Variants in MYO1E observed in about 807,000 individuals in gnomAD.
The protein encoded by MYO1E is myosin IE.
A neutral mutation model predicts 151.1 loss-of-function variants in MYO1E; 68 were observed. The observed-to-expected ratio is 0.45, with a 90% confidence interval of 0.37 to 0.55. The LOEUF (loss-of-function observed/expected upper bound fraction) is 0.55, where lower values mean the gene tolerates loss of function less well. Among genes scored for constraint, MYO1E ranks in the 20% least tolerant of loss-of-function variants. MYO1E has a pLI of 0.00. For synonymous variants in MYO1E, 601 were observed against 501.7 expected, an observed-to-expected ratio of 1.20 and a Z score of -2.64; for missense variants, 1,363 against 1,389.3, an observed-to-expected ratio of 0.98 and a Z score of 0.30.
intron 2 of MYO1E, among the ~76,000 whole-genome samples, chr15:59,268,720 ATTTTTTTTT>A (rs398027512): frequency 2.2e-5 from 1 of 44,906 alleles, no homozygotes; most frequent in Non-Finnish European, 4.9e-5. Flanking sequence ...TGACTTTGGT[ATTTTTTTTT>A]TTTTTTTTTT....
chr15:59,312,905 T>TGGCATGCC (rs2080561819), intron 1 of MYO1E, among the ~76,000 whole-genome samples: 1 of 152,058 alleles, frequency 6.6e-6, no homozygotes, highest in Non-Finnish European at 1.5e-5. Flanking sequence ...CCGGGCATGG[T>TGGCATGCC]GGCATGCCAC....
intron 26 of MYO1E, among the ~76,000 whole-genome samples, chr15:59,149,990 T>C (rs2140304679): frequency 6.6e-6 from 1 of 152,336 alleles, no homozygotes; most frequent in Middle Eastern, 3.4e-3. Context: ...TAGGTAACCA[T>C]GGGGATCCAT....
At chr15:59,218,379 T>C (rs2079933183) in intron 9 of MYO1E, 1 of 531,844 alleles carries the variant, frequency 1.9e-6, no homozygotes, top group Non-Finnish European at 3.6e-6. Flanking sequence ...CTATCCCTCC[T>C]ACTGAGATCA....
Position 59,231,810 on chromosome 15 carries a change from C to T in MYO1E, c.421-19G>A, listed in dbSNP as rs745950580. 30 of 1,613,358 alleles carry T rather than the reference C, an allele frequency of 1.9e-5. No individual in the cohort carries two copies. Among genetic ancestry groups the T allele is most frequent in the South Asian group, 1.4e-4 (13 of 91,084 alleles). ...TCACGTGCTGTCCCAGCAAATAGAC[C>T]GGAGGTTAGGAAGGTGTGAACACCT... On this transcript the variant is annotated intron_variant, in intron 5 of 27. Coordinates refer to ENST00000288235, the MANE Select transcript of MYO1E (RefSeq NM_004998.4).
In MYO1E at chr15:59,209,815, C is replaced by CTTTTTTTTTTTTTTTTTTTTTTTTTTT. The variant is rs71119441; in HGVS notation, c.1362+672_1362+698dup. On this transcript the variant is annotated intron_variant, in intron 13 of 27. Coordinates refer to ENST00000288235, the MANE Select transcript of MYO1E (RefSeq NM_004998.4). ...CTGTATCACTTTTATTTTGAATCAC[C>CTTTTTTTTTTTTTTTTTTTTTTTTTTT]TTTTTTTTTTTTTTTTTTTTTTTTT... 1.6e-4 allele frequency among the ~76,000 whole-genome samples: 8 copies of CTTTTTTTTTTTTTTTTTTTTTTTTTTT among 49,836 alleles called. 1 individual carries two copies. Among genetic ancestry groups the CTTTTTTTTTTTTTTTTTTTTTTTTTTT allele is most frequent in the Non-Finnish European group, 2.1e-4 (6 of 28,756 alleles). 32.7% of individuals were successfully genotyped at this position (49,836 alleles called of 152,430 possible).
At chr15:59,247,107 G>A (rs1410630160) in intron 4 of MYO1E, among the ~76,000 whole-genome samples, 1 of 152,150 alleles carries the variant, frequency 6.6e-6, no homozygotes, top group Non-Finnish European at 1.5e-5. Flanking sequence ...GAGGTGGGAG[G>A]ATCGCTTGAG....
At chr15:59,265,885 T>C (rs555694581) in intron 2 of MYO1E, among the ~76,000 whole-genome samples, 60 of 151,634 alleles carry the variant, frequency 4.0e-4, no homozygotes, top group Admixed American at 1.1e-3. Context: ...GAGGATCACT[T>C]AGGCCTGGGA....
chr15:59,218,857 GA>G (rs1267828009), intron 9 of MYO1E, among the ~76,000 whole-genome samples: 1 of 152,200 alleles, frequency 6.6e-6, no homozygotes, highest in African/African-American at 2.4e-5. Flanking sequence ...GGAGGAAGCA[GA>G]AGTGTGGGAG....
At chr15:59,351,663 G>GT (rs2080823965) in intron 1 of MYO1E, among the ~76,000 whole-genome samples, 1 of 152,142 alleles carries the variant, frequency 6.6e-6, no homozygotes, top group African/African-American at 2.4e-5. Context: ...TGTTCCCAGT[G>GT]TAAGACAATG....
intron 1 of MYO1E, among the ~76,000 whole-genome samples, chr15:59,349,645 G>C (rs545883579): frequency 2.4e-4 from 37 of 152,278 alleles, no homozygotes; most frequent in Non-Finnish European, 4.3e-4. Context: ...TGTTCTACAT[G>C]ATGATGATAT....
At chr15:59,241,514 G>A (rs150115624) in intron 4 of MYO1E, among the ~76,000 whole-genome samples, 1 of 152,088 alleles carries the variant, frequency 6.6e-6, no homozygotes, top group Non-Finnish European at 1.5e-5. Flanking sequence ...CAGCCTGGCC[G>A]ACATGGTAAA....
At position 59,263,490 on chromosome 15, in the gene MYO1E, T is replaced by C. The variant is rs895169106; in HGVS notation, c.148-1981A>G. On this transcript the variant is annotated intron_variant, in intron 2 of 27. Transcript: ENST00000288235. ...GAGGCAATGGTTTGTTAGTTTCTAT[T>C]AGACACAGTGTTATTACTACTTAAT... Among the ~76,000 whole-genome samples the C allele has an allele frequency of 4.6e-5, 7 of 152,340 alleles. No individual in the cohort carries two copies. The East Asian group carries it at 1.3e-3, about 29-fold the overall frequency.
At chr15:59,163,339 C>T in intron 22 of MYO1E, 36 bp from the exon 23 acceptor site, 2 of 1,601,058 alleles carry the variant, frequency 1.2e-6, no homozygotes, top group Non-Finnish European at 1.7e-6. Context: ...TTGGTGAAAG[C>T]TGTGCTTCTG....
At chr15:59,212,394 T>G (rs1471348988) in intron 12 of MYO1E, among the ~76,000 whole-genome samples, 1 of 151,900 alleles carries the variant, frequency 6.6e-6, no homozygotes, top group Non-Finnish European at 1.5e-5. Flanking sequence ...TGGTATGGTG[T>G]TTCCTAAGCA....
rs1359859967 is a variant in MYO1E, at chr15:59,210,574, T to C, written c.1302A>G (p.Arg434=). 1.9e-6 allele frequency: 3 copies of C among 1,603,134 alleles called. No individual in the cohort carries two copies. In the South Asian group the frequency reaches 3.3e-5, roughly 18 times the overall value. ...EQEEYVQEGI[R]WTPIEYFNNK... ...TATTAAAGTACTCAATGGGTGTCCA[T>C]CTTATTCCCTCTTGAACATATTCTT... Residue 434 remains arginine, a synonymous_variant, in exon 13 of 28, where the codon AGA becomes AGG. Transcript: ENST00000288235.
chr15:59,235,254 G>A (rs1051476630), intron 5 of MYO1E, among the ~76,000 whole-genome samples: 4 of 152,110 alleles, frequency 2.6e-5, no homozygotes, highest in Admixed American at 2.6e-4. Flanking sequence ...AACCATGCAA[G>A]TTTCTAAAGG....
At chr15:59,185,613 T>C (rs1341532884) in intron 18 of MYO1E, among the ~76,000 whole-genome samples, 8 of 152,232 alleles carry the variant, frequency 5.3e-5, no homozygotes, top group African/African-American at 1.9e-4. Flanking sequence ...TGGTAGCTGA[T>C]GCCTGTAATC....
chr15:59,241,942 A>G (rs2080102198), intron 4 of MYO1E, among the ~76,000 whole-genome samples: 1 of 151,866 alleles, frequency 6.6e-6, no homozygotes, highest in Admixed American at 6.6e-5. Flanking sequence ...AAAATAAAAT[A>G]AAATAAACAA....
chr15:59,157,904 G>C, intron 25 of MYO1E, among the ~76,000 whole-genome samples: 1 of 152,222 alleles, frequency 6.6e-6, no homozygotes, highest in Non-Finnish European at 1.5e-5. Context: ...TATTTGGCCG[G>C]AGCTGGGTAG....
Sources: allele counts gnomAD v4.1 joint callset (sites outside exome capture counted in the v4.1 genomes callset), GRCh38; gene constraint gnomAD v4.1.1; transcripts MANE v1.5; gene names NCBI Gene and HGNC (gene_info 2026-07-23, HGNC 2026-07-21).